The following CNTNAP2 variants were observed in gnomAD, a reference collection of about 807,000 sequenced individuals.
CNTNAP2 encodes the protein contactin-associated protein-like 2.
Under a neutral mutation model 155.2 loss-of-function variants are expected in CNTNAP2, and 98 were observed. That is an observed-to-expected ratio of 0.63 (90% CI 0.54 to 0.75). The LOEUF is 0.75. Ranked by LOEUF, CNTNAP2 falls within the 30% of genes least tolerant of loss-of-function variation. CNTNAP2 has a pLI of 0.00. For synonymous variants in CNTNAP2, 651 were observed against 631.2 expected (o/e 1.03, Z -0.47); for missense variants, 1,727 against 1,688.1 (o/e 1.02, Z -0.40).
chr7:147,517,251 C>T (rs761547048), intron 11 of CNTNAP2, among the ~76,000 whole-genome samples: 2 of 152,138 alleles, frequency 1.3e-5, no homozygotes, highest in Admixed American at 6.5e-5. Flanking sequence ...GGATCTGATG[C>T]TATTCACAAA....
chr7:146,949,449 C>G (rs1023642475), intron 3 of CNTNAP2, among the ~76,000 whole-genome samples: 2 of 152,166 alleles, frequency 1.3e-5, no homozygotes, highest in African/African-American at 4.8e-5. Flanking sequence ...TGGTAAACCT[C>G]TATGGTCCTG....
At chr7:147,101,401 A>C (rs1800649704) in intron 4 of CNTNAP2, among the ~76,000 whole-genome samples, 1 of 152,146 alleles carries the variant, frequency 6.6e-6, no homozygotes, top group Non-Finnish European at 1.5e-5. Flanking sequence ...AGCTGGAGCG[A>C]GCGCTTTTGG....
intron 21 of CNTNAP2, among the ~76,000 whole-genome samples, chr7:148,314,559 C>A (rs1797653571): frequency 6.6e-6 from 1 of 151,790 alleles, no homozygotes; most frequent in Non-Finnish European, 1.5e-5. Flanking sequence ...GAGGCAAGCC[C>A]AGAGAAAAGA....
chr7:147,905,008 A>G (rs1275221214), intron 14 of CNTNAP2, among the ~76,000 whole-genome samples: 2 of 152,178 alleles, frequency 1.3e-5, no homozygotes, highest in East Asian at 1.9e-4. Context: ...CATTCGTTCA[A>G]TCATTCATTC....
intron 10 of CNTNAP2, among the ~76,000 whole-genome samples, chr7:147,483,917 G>C (rs1023219011): frequency 6.6e-6 from 1 of 152,144 alleles, no homozygotes. Context: ...CTCCTTATCA[G>C]TGCTTTTCTC....
chr7:147,311,135 A>C lies in CNTNAP2; in HGVS notation c.1498+10845A>C, dbSNP rs1193309962. Among the ~76,000 whole-genome samples, 3 of 152,164 alleles carry C rather than the reference A, an allele frequency of 2.0e-5. No individual in the cohort carries two copies. The East Asian group carries it at 5.8e-4, about 29-fold the overall frequency. ...CTGACTTCGCAGGGTTCTTTTGCTAAAACTGGATTTTACAAGAGAGTAAAC... is the reference window on the plus strand; with the variant it reads ...CTGACTTCGCAGGGTTCTTTTGCTACAACTGGATTTTACAAGAGAGTAAAC... On this transcript the variant is annotated intron_variant, in intron 9 of 23. Coordinates refer to ENST00000361727, the MANE Select transcript of CNTNAP2 (RefSeq NM_014141.6).
chr7:147,756,900 A>G (rs919589618), intron 13 of CNTNAP2, among the ~76,000 whole-genome samples: 1 of 152,240 alleles, frequency 6.6e-6, no homozygotes, highest in Non-Finnish European at 1.5e-5. Context: ...AGTTAGCTAC[A>G]GAACATTAAA....
intron 1 of CNTNAP2, among the ~76,000 whole-genome samples, chr7:146,487,023 G>A (rs892151298): frequency 6.6e-6 from 1 of 152,142 alleles, no homozygotes. Context: ...TGCATGAATT[G>A]CCAAAATGAC....
At chr7:146,489,603 C>T (rs967254842) in intron 1 of CNTNAP2, among the ~76,000 whole-genome samples, 5 of 152,180 alleles carry the variant, frequency 3.3e-5, no homozygotes, top group African/African-American at 1.2e-4. Flanking sequence ...GGCCTTGGAA[C>T]TGTCATTGGA....
At chr7:147,748,049 A>G (rs1322120868) in intron 13 of CNTNAP2, among the ~76,000 whole-genome samples, 2 of 152,188 alleles carry the variant, frequency 1.3e-5, no homozygotes, top group Non-Finnish European at 2.9e-5. Flanking sequence ...TCCTTTTAAG[A>G]ACCATAATCA....
At chr7:146,337,037 A>G (rs1801288728) in intron 1 of CNTNAP2, among the ~76,000 whole-genome samples, 1 of 152,194 alleles carries the variant, frequency 6.6e-6, no homozygotes, top group Non-Finnish European at 1.5e-5. Flanking sequence ...TAAACTATAT[A>G]CATATATTGT....
At chr7:148,048,977 C>T (rs1430157336) in intron 15 of CNTNAP2, among the ~76,000 whole-genome samples, 2 of 151,996 alleles carry the variant, frequency 1.3e-5, no homozygotes, top group African/African-American at 4.8e-5. Context: ...TTTGGGAGGC[C>T]GAGGCTGGTG....
intron 13 of CNTNAP2, among the ~76,000 whole-genome samples, chr7:147,767,424 G>A (rs1797399078): frequency 6.6e-6 from 1 of 152,022 alleles, no homozygotes; most frequent in Non-Finnish European, 1.5e-5. Flanking sequence ...AAATTTTGAA[G>A]TAAATAATGG....
intron 3 of CNTNAP2, among the ~76,000 whole-genome samples, chr7:146,919,143 T>C (rs1417768344): frequency 6.6e-6 from 1 of 152,242 alleles, no homozygotes; most frequent in Non-Finnish European, 1.5e-5. Context: ...TGGTGTCTTC[T>C]TGTTTAGCTT....
chr7:146,537,165 T>C (rs1005762329), intron 1 of CNTNAP2, among the ~76,000 whole-genome samples: 3 of 152,096 alleles, frequency 2.0e-5, no homozygotes, highest in African/African-American at 7.2e-5. Context: ...GATTCTGAAA[T>C]ATACATGACA....
At chr7:146,690,169 A>G (rs1185670044) in intron 1 of CNTNAP2, among the ~76,000 whole-genome samples, 1 of 152,092 alleles carries the variant, frequency 6.6e-6, no homozygotes, top group East Asian at 1.9e-4. Flanking sequence ...TTTAAATAAT[A>G]CCAGTCTTCC....
chr7:147,104,998 A>G (rs1800736416), intron 4 of CNTNAP2, among the ~76,000 whole-genome samples: 1 of 149,598 alleles, frequency 6.7e-6, no homozygotes, highest in South Asian at 2.1e-4. Context: ...TTAAGTACCC[A>G]TTAACACTGG....
At chr7:147,454,606 C>T (rs530116294) in intron 10 of CNTNAP2, among the ~76,000 whole-genome samples, 1 of 152,076 alleles carries the variant, frequency 6.6e-6, no homozygotes, top group Non-Finnish European at 1.5e-5. Flanking sequence ...GGCTTAAAAT[C>T]TAAGCAGAAC....
At chr7:148,122,855 C>CAAAAA (rs1226178688) in intron 16 of CNTNAP2, among the ~76,000 whole-genome samples, 1 of 136,934 alleles carries the variant, frequency 7.3e-6, no homozygotes, top group African/African-American at 2.9e-5. Context: ...GAATACATCT[C>CAAAAA]AAAAAAAAAA....
Sources: allele counts gnomAD v4.1 joint callset (sites outside exome capture counted in the v4.1 genomes callset), GRCh38; gene constraint gnomAD v4.1.1; transcripts MANE v1.5; gene names NCBI Gene and HGNC (gene_info 2026-07-23, HGNC 2026-07-21).